TUT4: variants seen among roughly 807,000 people sequenced by gnomAD.
TUT4 encodes terminal uridylyl transferase 4, also known as terminal uridylyltransferase 4.
TUT4 carries 36 observed loss-of-function variants against 192.2 expected under a neutral mutation model. That is an observed-to-expected ratio of 0.19 (90% confidence interval 0.14 to 0.25). The LOEUF is 0.25. TUT4 is among the 10% of genes least tolerant of loss of function. The pLI is 1.00. For synonymous variants in TUT4, 618 were observed against 666.0 expected (o/e 0.93, Z 1.11); for missense variants, 1,493 against 1,957.2 (o/e 0.76, Z 4.47).
At chr1:52,428,152 AACAC>A (rs1016096014) in intron 28 of TUT4, among the ~76,000 whole-genome samples, 2 of 152,214 alleles carry the variant, frequency 1.3e-5, no homozygotes, top group Admixed American at 1.3e-4. Flanking sequence ...ATAAAAACCA[AACAC>A]ACAGTTTTAA....
At chr1:52,492,398 A>C (rs535784533) in intron 7 of TUT4, among the ~76,000 whole-genome samples, 6 of 152,344 alleles carry the variant, frequency 3.9e-5, no homozygotes, top group South Asian at 4.1e-4. Context: ...GATTCATATA[A>C]TTTAGGGTAA....
At chr1:52,468,347 T>G (rs1664799066) in intron 14 of TUT4, 80 bp from the exon 15 acceptor site, 7 of 1,100,002 alleles carry the variant, frequency 6.4e-6, no homozygotes, top group Non-Finnish European at 7.6e-6. Flanking sequence ...GTTTTTACCC[T>G]AAAAATTTTA....
rs1487107651 is a variant in TUT4 at position 52,436,989 on chromosome 1, T to G, written c.3939-11A>C. 6.2e-7 allele frequency: 1 copy of G among 1,612,106 alleles called. No individual in the cohort carries two copies. Among genetic ancestry groups the G allele is most frequent in the Non-Finnish European group, 8.5e-7 (1 of 1,179,370 alleles). On this transcript the variant is annotated splice_polypyrimidine_tract_variant and intron_variant, in intron 25 of 29. Coordinates refer to ENST00000257177, the MANE Select transcript of TUT4 (RefSeq NM_001009881.3). ...CTAAACAGTAAACTGCTGATACCAATAATGTGGGGCTAGGGACTTGTAAAT... is the reference window on the plus strand; with the variant it reads ...CTAAACAGTAAACTGCTGATACCAAGAATGTGGGGCTAGGGACTTGTAAAT...
rs771668672 is a variant in TUT4 at position 52,446,369 on chromosome 1, T to G, written c.3587A>C (p.Tyr1196Ser). ...TTCCTTGAAATCAAACTCTTCAGTA[T>G]AGAAACGAAGCAGTCCCAGCCAAAG... The part of the protein sequence containing the change: ...GELWLGLLRF[Y>S]TEEFDFKEYV... Residue 1196 changes from tyrosine to serine, a missense_variant, in exon 22 of 30, where the codon TAT becomes TCT. Physicochemically the swap from Tyr to Ser is moderately radical, Grantham distance 144 (BLOSUM62 -2). Transcript: ENST00000257177. 6.2e-7 allele frequency: 1 copy of G among 1,613,874 alleles called. No homozygotes were observed. The highest frequency in any genetic ancestry group is 8.5e-7 in the Non-Finnish European group (1 of 1,179,940).
chr1:52,526,117 C>G lies in TUT4; in HGVS notation c.164G>C (p.Ser55Thr), dbSNP rs2149465238. Reference protein sequence around the residue: ...IENSSPNRNSSKKNKQNDICI... With the variant: ...IENSSPNRNSTKKNKQNDICI... ...AATATCATTTTGCTTATTTTTTTTA[C>G]TACTATTCCTATTTGGAGAGCTGTT... Residue 55 changes from serine (S) to threonine (T), a missense_variant, in exon 2 of 30, where the codon AGT becomes ACT. Ser to Thr is a moderately conservative substitution (Grantham distance 58, BLOSUM62 1). Coordinates refer to ENST00000257177, the MANE Select transcript of TUT4 (RefSeq NM_001009881.3). 1 of 1,609,062 alleles carries G rather than the reference C, an allele frequency of 6.2e-7. No homozygotes were observed. The highest frequency in any genetic ancestry group is 8.5e-7 in the Non-Finnish European group (1 of 1,178,784).
At chr1:52,441,422 GTGCACCA>G (rs1655502518) in intron 24 of TUT4, among the ~76,000 whole-genome samples, 1 of 149,732 alleles carries the variant, frequency 6.7e-6, no homozygotes, top group Non-Finnish European at 1.5e-5. Flanking sequence ...GACTACAGGC[GTGCACCA>G]CCACTCTCGG....
At chr1:52,434,380 C>G (rs1195382424) in intron 27 of TUT4, 1 of 152,132 alleles carries the variant, frequency 6.6e-6, no homozygotes, top group African/African-American at 2.4e-5. Flanking sequence ...GATACTAATA[C>G]CTACCACTTC....
intron 3 of TUT4, among the ~76,000 whole-genome samples, chr1:52,513,306 G>C (rs1571156801): frequency 6.8e-6 from 1 of 146,670 alleles, no homozygotes; most frequent in Non-Finnish European, 1.5e-5. Context: ...GGAGACTTAG[G>C]TACCTGAGCC....
intron 13 of TUT4, among the ~76,000 whole-genome samples, chr1:52,473,452 G>A (rs1666303246): frequency 6.6e-6 from 1 of 152,092 alleles, no homozygotes; most frequent in Non-Finnish European, 1.5e-5. Context: ...AGAAGAGGAG[G>A]GTACTTTTGG....
intron 19 of TUT4, among the ~76,000 whole-genome samples, chr1:52,460,043 A>T (rs1454273704): frequency 6.6e-6 from 1 of 152,198 alleles, no homozygotes; most frequent in African/African-American, 2.4e-5. Context: ...TTTAATTAAC[A>T]GAATTCTATG....
intron 29 of TUT4, chr1:52,424,238 C>A (rs1279718355): frequency 1.2e-5 from 6 of 501,202 alleles, no homozygotes; most frequent in Non-Finnish European, 2.1e-5. Context: ...AGGGAAAAAA[C>A]CCACTAGAAA....
At chr1:52,544,525 T>A (rs1396583298) in intron 1 of TUT4, among the ~76,000 whole-genome samples, 2 of 152,054 alleles carry the variant, frequency 1.3e-5, no homozygotes, top group African/African-American at 4.8e-5. Flanking sequence ...AAAAATTAAC[T>A]CAAAATGGAT....
chr1:52,543,831 A>G (rs1258830249), intron 1 of TUT4, among the ~76,000 whole-genome samples: 2 of 152,164 alleles, frequency 1.3e-5, no homozygotes, highest in Non-Finnish European at 2.9e-5. Flanking sequence ...CTAAACATTT[A>G]ATGCAATCCC....
chr1:52,443,007 G>A (rs1401660939), intron 24 of TUT4, among the ~76,000 whole-genome samples: 1 of 152,220 alleles, frequency 6.6e-6, no homozygotes, highest in East Asian at 1.9e-4. Flanking sequence ...GTCTCGGAAA[G>A]GCACAGCGGC....
chr1:52,451,048 A>G (rs554120218), intron 20 of TUT4, among the ~76,000 whole-genome samples: 11 of 151,742 alleles, frequency 7.2e-5, no homozygotes, highest in African/African-American at 2.4e-4. Context: ...GGCGGGTCAC[A>G]AGGTCAGGAG....
intron 1 of TUT4, among the ~76,000 whole-genome samples, chr1:52,537,419 A>G (rs946837170): frequency 3.3e-5 from 5 of 152,204 alleles, no homozygotes; most frequent in Non-Finnish European, 7.3e-5. Context: ...AAAAGGTTCA[A>G]TCCAGCAAGG....
intron 20 of TUT4, among the ~76,000 whole-genome samples, chr1:52,455,776 C>T (rs72903628): frequency 0.17 from 25,507 of 151,800 alleles, 4,540 homozygotes; most frequent in African/African-American, 0.45. Context: ...GGCCAAAATC[C>T]AGAACATGGA....
intron 1 of TUT4, among the ~76,000 whole-genome samples, chr1:52,541,049 T>A (rs1686482418): frequency 6.6e-6 from 1 of 151,344 alleles, no homozygotes; most frequent in African/African-American, 2.4e-5. Context: ...CTACTAAAAA[T>A]ACAAAAATTA....
intron 1 of TUT4, among the ~76,000 whole-genome samples, chr1:52,545,511 A>C (rs1196172143): frequency 6.6e-6 from 1 of 152,142 alleles, no homozygotes; most frequent in East Asian, 1.9e-4. Context: ...CTGATTTGAA[A>C]ATGGGCAAAG....
Sources: allele counts gnomAD v4.1 joint callset (sites outside exome capture counted in the v4.1 genomes callset), GRCh38; gene constraint gnomAD v4.1.1; transcripts MANE v1.5; gene names NCBI Gene and HGNC (gene_info 2026-07-23, HGNC 2026-07-21).